PITPNC1: variants seen among roughly 807,000 people sequenced by gnomAD.
PITPNC1 encodes cytoplasmic phosphatidylinositol transfer protein 1.
A neutral mutation model predicts 44.7 loss-of-function variants in PITPNC1; 18 were observed. The observed-to-expected ratio is 0.40, with a 90% CI of 0.28 to 0.60. The LOEUF (loss-of-function observed/expected upper bound fraction) is 0.60, where lower values mean the gene tolerates loss of function less well. Ranked by LOEUF, PITPNC1 falls within the 20% of genes least tolerant of loss-of-function variation. The pLI, the probability that PITPNC1 is intolerant of heterozygous loss-of-function variation, is 0.39. For synonymous variants in PITPNC1, 141 were observed against 149.6 expected (o/e 0.94, Z 0.42); for missense variants, 290 against 418.4 (o/e 0.69, Z 2.68).
intron 5 of PITPNC1, among the ~76,000 whole-genome samples, chr17:67,590,963 AAAAG>A (rs1347199654): frequency 8.8e-4 from 133 of 151,884 alleles, no homozygotes; most frequent in African/African-American, 3.2e-3. Flanking sequence ...CAAAAAAAAA[AAAAG>A]AAAGAAAGAA....
chr17:67,400,206 T>G (rs997212288), intron 1 of PITPNC1, among the ~76,000 whole-genome samples: 1 of 152,196 alleles, frequency 6.6e-6, no homozygotes, highest in Non-Finnish European at 1.5e-5. Context: ...GAGATGTCCG[T>G]GGGATCTAAC....
At chr17:67,438,618 G>C (rs2038969927) in intron 1 of PITPNC1, among the ~76,000 whole-genome samples, 1 of 152,144 alleles carries the variant, frequency 6.6e-6, no homozygotes, top group Non-Finnish European at 1.5e-5. Flanking sequence ...GCCCAGCTGG[G>C]CCTAAGTGAC....
intron 1 of PITPNC1, among the ~76,000 whole-genome samples, chr17:67,389,080 C>T (rs1018205079): frequency 3.3e-5 from 5 of 152,240 alleles, no homozygotes; most frequent in Non-Finnish European, 7.3e-5. Flanking sequence ...GCCTTTCTTT[C>T]TGGAGCTTGG....
At chr17:67,606,757 G>T (rs572092144) in intron 5 of PITPNC1, among the ~76,000 whole-genome samples, 1 of 151,906 alleles carries the variant, frequency 6.6e-6, no homozygotes, top group Non-Finnish European at 1.5e-5. Flanking sequence ...GGCCAGAAGA[G>T]GGTTTTTTTT....
At chr17:67,627,208 G>A (rs1435307551) in intron 5 of PITPNC1, among the ~76,000 whole-genome samples, 4 of 152,204 alleles carry the variant, frequency 2.6e-5, no homozygotes, top group East Asian at 1.9e-4. Flanking sequence ...AGCCGAGATC[G>A]TGCCATCGCA....
chr17:67,546,775 C>G (rs1043318253), intron 2 of PITPNC1, among the ~76,000 whole-genome samples: 3 of 152,172 alleles, frequency 2.0e-5, no homozygotes, highest in Non-Finnish European at 4.4e-5. Context: ...CCAGTCCCTG[C>G]CGGGGAGGCC....
intron 1 of PITPNC1, among the ~76,000 whole-genome samples, chr17:67,462,930 G>A (rs893285682): frequency 6.6e-6 from 1 of 152,120 alleles, no homozygotes; most frequent in Non-Finnish European, 1.5e-5. Flanking sequence ...TCGAACTCCC[G>A]ACGTCAGTTG....
At chr17:67,555,015 T>C (rs1291970219) in intron 4 of PITPNC1, among the ~76,000 whole-genome samples, 1 of 152,234 alleles carries the variant, frequency 6.6e-6, no homozygotes, top group Non-Finnish European at 1.5e-5. Context: ...TATTAAAATA[T>C]CTTTTCTTTT....
chr17:67,462,221 C>CTTTTTTTTTTTTTTTTTTTTT (rs1567999130), intron 1 of PITPNC1, among the ~76,000 whole-genome samples: 1 of 86,492 alleles, frequency 1.2e-5, no homozygotes, highest in African/African-American at 4.6e-5. Flanking sequence ...CTCTTTCTTT[C>CTTTTTTTTTTTTTTTTTTTTT]TTTCTTTTTT....
intron 5 of PITPNC1, among the ~76,000 whole-genome samples, chr17:67,610,006 C>G (rs540161446): frequency 6.6e-6 from 1 of 152,280 alleles, no homozygotes; most frequent in Admixed American, 6.5e-5. Flanking sequence ...TCCACGTAGA[C>G]TTCAAATCTG....
chr17:67,520,880 T>G (rs1236223060), intron 1 of PITPNC1, among the ~76,000 whole-genome samples: 1 of 152,222 alleles, frequency 6.6e-6, no homozygotes, highest in Non-Finnish European at 1.5e-5. Flanking sequence ...CCTTAGCCAG[T>G]GCTTATAAAG....
intron 1 of PITPNC1, among the ~76,000 whole-genome samples, chr17:67,448,559 T>G (rs558873465): frequency 6.6e-6 from 1 of 152,294 alleles, no homozygotes; most frequent in Admixed American, 6.5e-5. Flanking sequence ...TCTACCTTGA[T>G]TAATCTCACC....
intron 8 of PITPNC1, among the ~76,000 whole-genome samples, chr17:67,690,448 C>CA (rs58085156): frequency 0.015 from 1,653 of 113,308 alleles, 40 homozygotes; most frequent in African/African-American, 0.052. Context: ...AACTCTGTCT[C>CA]AAAAAAAAAA....
In PITPNC1 at chr17:67,601,292, A is replaced by T. The variant is rs1339062993; in HGVS notation, c.366+23035A>T. The stretch of plus-strand genomic sequence containing the variant: ...CCTAATAGTGGACTTCTCATTAGCA[A>T]CAGCTGGTCAATGAAGACAATGAAA... On this transcript the variant is annotated intron_variant, in intron 5 of 8. Coordinates refer to ENST00000581322, the MANE Select transcript of PITPNC1 (RefSeq NM_012417.4). Among the ~76,000 whole-genome samples, 9 of 152,200 alleles carry T rather than the reference A, an allele frequency of 5.9e-5. No individual in the cohort carries two copies. The East Asian group carries it at 1.7e-3, about 29-fold the overall frequency.
intron 1 of PITPNC1, among the ~76,000 whole-genome samples, chr17:67,524,143 G>A (rs1047809227): frequency 3.9e-5 from 6 of 152,142 alleles, no homozygotes; most frequent in Admixed American, 1.3e-4. Flanking sequence ...TAAAAAGTGT[G>A]TAGAAAGAAA....
chr17:67,671,492 A>G (rs868411410), intron 7 of PITPNC1, among the ~76,000 whole-genome samples: 2 of 152,146 alleles, frequency 1.3e-5, no homozygotes, highest in African/African-American at 4.8e-5. Context: ...GGATTTGTCT[A>G]TTGAGATTGG....
chr17:67,634,585 A>G (rs2042010451), intron 6 of PITPNC1, among the ~76,000 whole-genome samples: 1 of 152,178 alleles, frequency 6.6e-6, no homozygotes. Context: ...TCCCTTCAGG[A>G]CACTTCCAAT....
At chr17:67,640,553 A>T (rs1311102793) in intron 6 of PITPNC1, among the ~76,000 whole-genome samples, 1 of 151,476 alleles carries the variant, frequency 6.6e-6, no homozygotes, top group Non-Finnish European at 1.5e-5. Context: ...GGTGGCGGGC[A>T]CCTGTAATCC....
At chr17:67,553,406 C>T in intron 3 of PITPNC1, 1 of 389,044 alleles carries the variant, frequency 2.6e-6, no homozygotes, top group Non-Finnish European at 4.6e-6. Context: ...CTTATCTGCC[C>T]AACCACATAA....
Sources: gnomAD v4.1 joint callset for allele counts (sites outside exome capture counted in the v4.1 genomes callset) on GRCh38, gnomAD v4.1.1 for gene constraint, MANE v1.5 for transcripts, NCBI Gene and HGNC (gene_info 2026-07-23, HGNC 2026-07-21) for gene names.